Variants in LARGE1 observed in about 807,000 individuals in gnomAD.
LARGE1 encodes xylosyl- and glucuronyltransferase LARGE1.
In LARGE1, 43 loss-of-function variants were observed where a neutral mutation model predicts 87.6. That is an observed-to-expected ratio of 0.49 (90% CI 0.38 to 0.63). LARGE1 has a LOEUF of 0.63. Ranked by LOEUF, LARGE1 falls within the 30% of genes least tolerant of loss-of-function variation. The pLI is 0.00. For missense variants in LARGE1, 802 were observed against 1,000.2 expected (o/e 0.80, Z 2.67); for synonymous variants, 434 against 394.6 (o/e 1.10, Z -1.18).
At chr22:33,263,504 A>T (rs1207192323) in intron 11 of LARGE1, among the ~76,000 whole-genome samples, 1 of 152,236 alleles carries the variant, frequency 6.6e-6, no homozygotes, top group Non-Finnish European at 1.5e-5. Flanking sequence ...CTGGGTCAAT[A>T]GCCATGTAGA....
In LARGE1 at chr22:33,650,503, G is replaced by T. The variant is rs1346230393; in HGVS notation, c.272C>A (p.Pro91Gln). 3.7e-6 allele frequency: 6 copies of T among 1,613,288 alleles called. No homozygotes were observed. Among genetic ancestry groups the T allele is most frequent in the Middle Eastern group, 1.6e-4 (1 of 6,084 alleles). The part of the protein sequence containing the change: ...RQLSLAQGRA[P>Q]SHRRGNHSKT... ...GGAGTGGTTGCCTCGGCGATGGGAT[G>T]GGGCTCGGCCCTGGGCCAGGCTGAG... Residue 91 changes from proline to glutamine, a missense_variant, in exon 3 of 15, where the codon CCA becomes CAA. Coordinates refer to ENST00000397394, the MANE Select transcript of LARGE1 (RefSeq NM_133642.5).
intron 1 of LARGE1, among the ~76,000 whole-genome samples, chr22:33,768,290 T>A (rs2084965599): frequency 6.6e-6 from 1 of 152,108 alleles, no homozygotes; most frequent in Non-Finnish European, 1.5e-5. Context: ...AGAGCGAGAC[T>A]CCGTCCCACT....
At chr22:33,919,449 G>A (rs969164483) in intron 1 of LARGE1, among the ~76,000 whole-genome samples, 18 of 152,340 alleles carry the variant, frequency 1.2e-4, no homozygotes, top group South Asian at 4.1e-4. Context: ...CTAACAGGAA[G>A]GACATGCTGG....
intron 1 of LARGE1, among the ~76,000 whole-genome samples, chr22:33,865,060 T>C (rs1398833318): frequency 2.0e-5 from 3 of 152,214 alleles, no homozygotes; most frequent in Admixed American, 6.5e-5. Context: ...TTGGATGCAC[T>C]GTTATCATAA....
At chr22:33,244,272 G>T (rs1463850364) in intron 11 of LARGE1, among the ~76,000 whole-genome samples, 3 of 152,070 alleles carry the variant, frequency 2.0e-5, no homozygotes, top group Non-Finnish European at 4.4e-5. Flanking sequence ...TGGGATTACA[G>T]ACATGAGCCA....
the LARGE1 span, among the ~76,000 whole-genome samples, chr22:33,066,997 T>C: frequency 6.6e-6 from 1 of 152,050 alleles, no homozygotes; most frequent in Admixed American, 6.6e-5. Context: ...ACCAGCTGAC[T>C]GGCCTTTCTT....
intron 10 of LARGE1, among the ~76,000 whole-genome samples, chr22:33,335,558 A>T (rs1434941583): frequency 6.6e-6 from 1 of 152,182 alleles, no homozygotes; most frequent in Non-Finnish European, 1.5e-5. Flanking sequence ...TAACTATAAA[A>T]AATAACTATA....
intron 1 of LARGE1, among the ~76,000 whole-genome samples, chr22:33,805,784 T>A (rs1240767938): frequency 3.4e-5 from 5 of 145,566 alleles, no homozygotes; most frequent in South Asian, 2.2e-4. Context: ...AATAAATAAA[T>A]AAAATAACAA....
At chr22:33,644,138 T>C (rs983500546) in intron 3 of LARGE1, among the ~76,000 whole-genome samples, 1 of 152,172 alleles carries the variant, frequency 6.6e-6, no homozygotes, top group Non-Finnish European at 1.5e-5. Flanking sequence ...ATATCCCTGA[T>C]GAACATCAAT....
chr22:33,396,067 C>T (rs1393170494), intron 7 of LARGE1, among the ~76,000 whole-genome samples: 5 of 152,296 alleles, frequency 3.3e-5, no homozygotes, highest in African/African-American at 7.2e-5. Flanking sequence ...GGATCCACTA[C>T]GTGAAAATGA....
At chr22:33,537,699 C>T (rs993512119) in intron 6 of LARGE1, among the ~76,000 whole-genome samples, 4 of 151,986 alleles carry the variant, frequency 2.6e-5, no homozygotes, top group Admixed American at 1.3e-4. Flanking sequence ...CCCAAGTAGC[C>T]GGGACTACAG....
intron 11 of LARGE1, among the ~76,000 whole-genome samples, chr22:33,256,041 T>C (rs183144739): frequency 1.1e-3 from 167 of 152,334 alleles, no homozygotes; most frequent in Non-Finnish European, 4.4e-4. Context: ...TTGTCCCTTA[T>C]TGATCTAAAT....
At chr22:33,504,588 T>A (rs1233382571) in intron 6 of LARGE1, among the ~76,000 whole-genome samples, 1 of 152,148 alleles carries the variant, frequency 6.6e-6, no homozygotes, top group Admixed American at 6.6e-5. Context: ...TGACTAAAAG[T>A]TCAGACATTA....
chr22:33,376,203 C>T (rs987991631), intron 9 of LARGE1, among the ~76,000 whole-genome samples: 2 of 152,006 alleles, frequency 1.3e-5, no homozygotes, highest in Non-Finnish European at 2.9e-5. Context: ...GAAAAAAATG[C>T]GGACACGAGT....
chr22:33,791,821 A>G lies in LARGE1; in HGVS notation c.-82-30263T>C, dbSNP rs562756340. On this transcript the variant is annotated intron_variant, in intron 1 of 14. Coordinates refer to ENST00000397394, the MANE Select transcript of LARGE1 (RefSeq NM_133642.5). ...CATTGCTACTCATATTACTACTCAC[A>G]ACTACCACCATCATCCTAGGAAAAA... Among the ~76,000 whole-genome samples the G allele has an allele frequency of 5.3e-5, 8 of 152,300 alleles. No homozygotes were observed. The East Asian group carries it at 9.6e-4, about 18-fold the overall frequency.
At chr22:33,913,693 G>A (rs1465248654) in intron 1 of LARGE1, among the ~76,000 whole-genome samples, 5 of 152,064 alleles carry the variant, frequency 3.3e-5, no homozygotes, top group African/African-American at 1.2e-4. Context: ...ACAGGCACGC[G>A]CCACCATGCC....
chr22:33,737,389 G>A (rs951860300), intron 2 of LARGE1, among the ~76,000 whole-genome samples: 1 of 152,256 alleles, frequency 6.6e-6, no homozygotes, highest in Non-Finnish European at 1.5e-5. Context: ...TCAGTTTTGT[G>A]GAAGTAACAC....
In LARGE1 at chr22:33,569,414, T is replaced by A. The variant is rs76739169; in HGVS notation, c.616-4395A>T. Among the ~76,000 whole-genome samples, 468 of 152,266 alleles carry A rather than the reference T, an allele frequency of 3.1e-3. 3 individuals are homozygous for A. Among genetic ancestry groups the A allele is most frequent in the African/African-American group, 0.011 (453 of 41,560 alleles). On this transcript the variant is annotated intron_variant, in intron 5 of 14. Transcript: ENST00000397394. ...TAAATTAATCTCAACATGAGCCCAG[T>A]CCTGAATGTCACTCCAAGTCCCCAA...
rs1018941578 is a variant in LARGE1, at chr22:33,397,240, C to T, written c.893-12936G>A. 3.9e-5 allele frequency among the ~76,000 whole-genome samples: 6 copies of T among 152,148 alleles called. No homozygotes were observed. In the East Asian group the frequency reaches 7.7e-4, roughly 20 times the overall value. ...AAGCAATTCTCCTACCTCAGCCTCC[C>T]GAGTAGCTGGGATAACAGGCATGTG... On this transcript the variant is annotated intron_variant, in intron 7 of 14. Transcript: ENST00000397394.
Sources: allele counts gnomAD v4.1 joint callset (sites outside exome capture counted in the v4.1 genomes callset), GRCh38; gene constraint gnomAD v4.1.1; transcripts MANE v1.5; gene names NCBI Gene and HGNC (gene_info 2026-07-23, HGNC 2026-07-21).